Variants in TUSC3 observed in about 807,000 individuals in gnomAD.
The protein encoded by TUSC3 is tumor suppressor candidate 3.
A neutral mutation model predicts 44.8 loss-of-function variants in TUSC3; 45 were observed. The ratio of observed to expected loss-of-function variants is 1.00; its 90% CI spans 0.79 to 1.29. TUSC3 has a LOEUF of 1.29. Among genes scored for constraint, TUSC3 ranks in the 50% most tolerant of loss-of-function variants. TUSC3 has a pLI of 0.00. For missense variants in TUSC3, 519 were observed against 437.9 expected (o/e 1.19, Z -1.65); for synonymous variants, 212 against 152.9 (o/e 1.39, Z -2.85).
chr8:15,743,510 T>C lies in TUSC3; in HGVS notation c.863-28T>C. ...TTAATAGATTTTATTCACATCTATG[T>C]CTACGGCTTCCTTGACAACTACTGC... On this transcript the variant is annotated intron_variant, in intron 7 of 10. Coordinates refer to ENST00000503731, the MANE Select transcript of TUSC3 (RefSeq NM_006765.4). 3 of 1,612,010 alleles carry C rather than the reference T, an allele frequency of 1.9e-6. 1 individual carries two copies. Among genetic ancestry groups the C allele is most frequent in the Non-Finnish European group, 2.5e-6 (3 of 1,178,088 alleles).
chr8:15,446,372 C>A lies in TUSC3; in HGVS notation n.91+29067C>A, dbSNP rs542496173. On this transcript the variant is annotated intron_variant and non_coding_transcript_variant, in intron 1 of 5. Coordinates refer to the TUSC3 transcript ENST00000503191. ...ATCTCGGCACTTTGGGAGGCCAAGGCAGGTGGCTGGGAGGTGGAGGTTGTA... is the reference window on the plus strand; with the variant it reads ...ATCTCGGCACTTTGGGAGGCCAAGGAAGGTGGCTGGGAGGTGGAGGTTGTA... 6.1e-3 allele frequency among the ~76,000 whole-genome samples: 922 copies of A among 152,182 alleles called. 2 individuals carry two copies. Among genetic ancestry groups the A allele is most frequent in the Middle Eastern group, 0.02 (6 of 294 alleles).
downstream of TUSC3, among the ~76,000 whole-genome samples, chr8:15,767,276 T>C (rs1251255529): frequency 6.6e-6 from 1 of 152,058 alleles, no homozygotes; most frequent in Non-Finnish European, 1.5e-5. Flanking sequence ...TATACAAAGA[T>C]TTAACAAAGC....
intron 1 of TUSC3, among the ~76,000 whole-genome samples, chr8:15,608,239 T>C (rs980654457): frequency 3.3e-5 from 5 of 152,184 alleles, no homozygotes; most frequent in Non-Finnish European, 5.9e-5. Context: ...CTTGGTTATA[T>C]TTTATCCTCA....
intron 1 of TUSC3, among the ~76,000 whole-genome samples, chr8:15,568,027 A>G (rs1413204118): frequency 6.6e-6 from 1 of 152,128 alleles, no homozygotes; most frequent in Admixed American, 6.5e-5. Flanking sequence ...GTAGCATATT[A>G]TCAGGCAAGG....
chr8:15,641,598 G>C (rs1033914380), intron 2 of TUSC3, among the ~76,000 whole-genome samples: 1 of 152,220 alleles, frequency 6.6e-6, no homozygotes, highest in South Asian at 2.1e-4. Flanking sequence ...TAGAGACTTC[G>C]TTATGCCTCA....
chr8:15,674,291 A>C lies in TUSC3; in HGVS notation c.798+455A>C, dbSNP rs114183037. Among the ~76,000 whole-genome samples, 1,170 of 152,098 alleles carry C rather than the reference A, an allele frequency of 7.7e-3. 16 individuals are homozygous for C. The highest frequency in any genetic ancestry group is 0.027 in the African/African-American group (1,140 of 41,508). ...CTCTTTGCCACAGAATTAAAAGTGA[A>C]ATTGATATGTTGTTACATTAGTAGC... is the stretch of plus-strand genomic sequence containing the variant. On this transcript the variant is annotated intron_variant, in intron 6 of 10. Coordinates refer to ENST00000503731, the MANE Select transcript of TUSC3 (RefSeq NM_006765.4).
intron 2 of TUSC3, among the ~76,000 whole-genome samples, chr8:15,505,802 C>G (rs1367628313): frequency 6.6e-6 from 1 of 151,924 alleles, no homozygotes; most frequent in Non-Finnish European, 1.5e-5. Context: ...AGCGACAATT[C>G]CTAGTGAATA....
chr8:15,527,992 G>C (rs910857698), intron 2 of TUSC3, among the ~76,000 whole-genome samples: 1 of 152,060 alleles, frequency 6.6e-6, no homozygotes, highest in African/African-American at 2.4e-5. Context: ...TTCTTGGTAA[G>C]TCCTGGTTTT....
chr8:15,499,594 C>T (rs1230527264), intron 2 of TUSC3, among the ~76,000 whole-genome samples: 1 of 152,176 alleles, frequency 6.6e-6, no homozygotes, highest in Non-Finnish European at 1.5e-5. Context: ...TAATCCAATG[C>T]TCATTCTTGG....
chr8:15,517,141 C>A (rs1327352204), intron 2 of TUSC3, among the ~76,000 whole-genome samples: 1 of 152,100 alleles, frequency 6.6e-6, no homozygotes, highest in Non-Finnish European at 1.5e-5. Flanking sequence ...TCCAGGGATT[C>A]TCTAGCAATA....
In TUSC3 at chr8:15,572,862, C is replaced by T. The variant is rs567749070; in HGVS notation, c.138+32294C>T. Among the ~76,000 whole-genome samples the T allele has an allele frequency of 9.2e-5, 14 of 152,148 alleles. No homozygotes were observed. In the East Asian group the frequency reaches 2.1e-3, roughly 23 times the overall value. On this transcript the variant is annotated intron_variant, in intron 1 of 10. Transcript: ENST00000503731. ...TATCGATTAAATTTGCCATGTTTTA[C>T]GGGCACCATTTGTGGTGCCCCAAAA...
chr8:15,513,537 A>G (rs1333714924), intron 2 of TUSC3, among the ~76,000 whole-genome samples: 1 of 152,244 alleles, frequency 6.6e-6, no homozygotes, highest in Non-Finnish European at 1.5e-5. Flanking sequence ...AAGAAAAAAT[A>G]TAACTAAACT....
intron 6 of TUSC3, among the ~76,000 whole-genome samples, chr8:15,690,481 G>C (rs1426354263): frequency 6.6e-6 from 1 of 151,956 alleles, no homozygotes; most frequent in Non-Finnish European, 1.5e-5. Context: ...ACTTCTTCTG[G>C]TGTGCAGAAA....
intron 2 of TUSC3, among the ~76,000 whole-genome samples, chr8:15,483,765 C>T (rs1289991894): frequency 1.3e-5 from 2 of 149,810 alleles, no homozygotes; most frequent in African/African-American, 4.9e-5. Context: ...ATGCCATTCT[C>T]CTGCCTCAGC....
chr8:15,819,464 A>G, the TUSC3 span, among the ~76,000 whole-genome samples: 1 of 152,124 alleles, frequency 6.6e-6, no homozygotes, highest in African/African-American at 2.4e-5. Context: ...CCTAATTTAT[A>G]TTTACATCTG....
At chr8:15,445,156 T>C (rs1021081521) in intron 1 of TUSC3, among the ~76,000 whole-genome samples, 4 of 152,154 alleles carry the variant, frequency 2.6e-5, no homozygotes, top group Admixed American at 2.6e-4. Context: ...GAAAATTCAA[T>C]GACCGTGGGT....
At chr8:15,481,575 C>T (rs901608233) in intron 1 of TUSC3, among the ~76,000 whole-genome samples, 5 of 152,082 alleles carry the variant, frequency 3.3e-5, no homozygotes, top group Non-Finnish European at 5.9e-5. Flanking sequence ...TTGTTCCAGA[C>T]CACCGCAATA....
At chr8:15,450,800 G>C (rs1800188125) in intron 1 of TUSC3, among the ~76,000 whole-genome samples, 2 of 152,196 alleles carry the variant, frequency 1.3e-5, no homozygotes, top group South Asian at 2.1e-4. Context: ...TTGGCTTACT[G>C]TTTTCAGCAG....
chr8:15,613,077 A>ATT (rs1804831598), intron 1 of TUSC3, among the ~76,000 whole-genome samples: 1 of 147,838 alleles, frequency 6.8e-6, no homozygotes, highest in Non-Finnish European at 1.5e-5. Flanking sequence ...ATATATATAT[A>ATT]TATCATATAT....
Sources: gnomAD v4.1 joint callset for allele counts (sites outside exome capture counted in the v4.1 genomes callset) on GRCh38, gnomAD v4.1.1 for gene constraint, MANE v1.5 for transcripts, NCBI Gene and HGNC (gene_info 2026-07-23, HGNC 2026-07-21) for gene names.